SUCLG1: variants seen among roughly 807,000 people sequenced by gnomAD.
SUCLG1 encodes succinate-CoA ligase GDP/ADP-forming subunit alpha, also known as succinate--CoA ligase [ADP/GDP-forming] subunit alpha, mitochondrial.
In SUCLG1, 26 loss-of-function variants were observed where a neutral mutation model predicts 37.3. The ratio of observed to expected loss-of-function variants is 0.70; its 90% confidence interval spans 0.51 to 0.97. SUCLG1 has a LOEUF of 0.97. Ranked by LOEUF, SUCLG1 falls within the 50% of genes least tolerant of loss-of-function variation. SUCLG1 has a pLI of 0.00. For missense variants in SUCLG1, 433 were observed against 432.9 expected, an observed-to-expected ratio of 1.00 and a Z score of 0.00; for synonymous variants, 163 against 155.6, an observed-to-expected ratio of 1.05 and a Z score of -0.36.
rs1573370010 is a variant in SUCLG1 at position 84,441,399 on chromosome 2, C to T, written c.379G>A (p.Ala127Thr). 1 of 1,614,148 alleles carries T rather than the reference C, an allele frequency of 6.2e-7. No homozygotes were observed. The highest frequency in any genetic ancestry group is 8.5e-7 in the Non-Finnish European group (1 of 1,180,026). The part of the protein sequence containing the change: ...VIYVPPPFAA[A>T]AINEAIEAEI... ...GCCTCAATAGCTTCATTAATGGCAG[C>T]AGCAGCAAAAGGCGGAGGAACATAA... Residue 127 changes from alanine (A) to threonine (T), a missense_variant, in exon 4 of 9, where the codon GCT becomes ACT. Coordinates refer to ENST00000393868, the MANE Select transcript of SUCLG1 (RefSeq NM_003849.4).
chr2:84,445,412 T>A (rs1672835248), intron 2 of SUCLG1, among the ~76,000 whole-genome samples: 1 of 152,066 alleles, frequency 6.6e-6, no homozygotes, highest in Non-Finnish European at 1.5e-5. Context: ...CCCTCCCACA[T>A]ACACAAAGAC....
At chr2:84,432,558 A>C (rs1466379772) in intron 6 of SUCLG1, 2 of 152,196 alleles carry the variant, frequency 1.3e-5, no homozygotes, top group African/African-American at 4.8e-5. Flanking sequence ...ACCTTTTCTT[A>C]TTCTCTGTCA....
At chr2:84,438,354 T>C in intron 5 of SUCLG1, among the ~76,000 whole-genome samples, 1 of 152,216 alleles carries the variant, frequency 6.6e-6, no homozygotes, top group Middle Eastern at 3.2e-3. Context: ...CTGTCTATCA[T>C]AAGAGAAATA....
intron 1 of SUCLG1, among the ~76,000 whole-genome samples, chr2:84,455,350 C>T (rs56298238): frequency 0.011 from 1,696 of 152,114 alleles, 30 homozygotes; most frequent in African/African-American, 0.039. Context: ...CAAAATTAGC[C>T]GGACATGGTG....
chr2:84,443,153 T>C, intron 3 of SUCLG1, 131 bp downstream of exon 3: 2 of 852,374 alleles, frequency 2.3e-6, no homozygotes, highest in Non-Finnish European at 4.1e-6. Context: ...GCAATTCAAA[T>C]TTCTCTAGGT....
rs35033593 is a variant in SUCLG1, at chr2:84,457,795, C to A, written c.97+1378G>T. On this transcript the variant is annotated intron_variant, in intron 1 of 8. Coordinates refer to ENST00000393868, the MANE Select transcript of SUCLG1 (RefSeq NM_003849.4). ...TTCTTGGTGCTCAAACTTTATTGAC[C>A]TGAGTGATTACTGGGTATAATGAAT... 2.3e-3 allele frequency among the ~76,000 whole-genome samples: 350 copies of A among 152,164 alleles called. 3 individuals carry two copies. Among genetic ancestry groups the A allele is most frequent in the Non-Finnish European group, 2.8e-3 (193 of 67,984 alleles).
intron 1 of SUCLG1, among the ~76,000 whole-genome samples, chr2:84,458,111 C>T (rs13418895): frequency 1.3e-5 from 2 of 151,672 alleles, no homozygotes; most frequent in Non-Finnish European, 2.9e-5. Flanking sequence ...ATATAAATTG[C>T]TCCACTTATT....
chr2:84,433,156 A>T (rs1047799167), intron 6 of SUCLG1, 196 bp downstream of exon 6: 1 of 637,256 alleles, frequency 1.6e-6, no homozygotes, highest in African/African-American at 1.8e-5. Flanking sequence ...TCAACCTAGA[A>T]ATGAAATCTT....
intron 1 of SUCLG1, among the ~76,000 whole-genome samples, chr2:84,453,421 A>ATT (rs138323590): frequency 1.7e-3 from 253 of 150,284 alleles, no homozygotes; most frequent in East Asian, 0.014. Context: ...AAGTATTATT[A>ATT]TTATTTTTTT....
intron 2 of SUCLG1, among the ~76,000 whole-genome samples, chr2:84,445,734 C>T (rs1672839213): frequency 6.6e-6 from 1 of 152,220 alleles, no homozygotes; most frequent in Non-Finnish European, 1.5e-5. Context: ...ACTGCTATCA[C>T]CTTGGTCTAA....
rs567565229 is a variant in SUCLG1 at position 84,448,845 on chromosome 2, T to G, written c.201+804A>C. On this transcript the variant is annotated intron_variant, in intron 2 of 8. Coordinates refer to ENST00000393868, the MANE Select transcript of SUCLG1 (RefSeq NM_003849.4). ...ATAACGTTATATAAATATATATAAT[T>G]CTATATAATAAATACTACAAAACAC... is the stretch of plus-strand genomic sequence containing the variant. 12 of 229,854 alleles carry G rather than the reference T, an allele frequency of 5.2e-5. No individual in the cohort carries two copies. The East Asian group carries it at 1.9e-3, about 36-fold the overall frequency. 14.2% of individuals were successfully genotyped at this position (229,854 alleles called of 1,614,324 possible). A position where few individuals can be genotyped will look rare whatever the true frequency, so the allele number is the denominator to read the frequency against.
chr2:84,444,747 C>T (rs985675188), intron 2 of SUCLG1, among the ~76,000 whole-genome samples: 31 of 152,222 alleles, frequency 2.0e-4, no homozygotes, highest in South Asian at 1.0e-3. Flanking sequence ...AAAAGATGGC[C>T]GCCCCCCGAA....
intron 2 of SUCLG1, among the ~76,000 whole-genome samples, chr2:84,446,878 C>A (rs1477511123): frequency 6.6e-6 from 1 of 152,074 alleles, no homozygotes; most frequent in Non-Finnish European, 1.5e-5. Flanking sequence ...TGGTTTTTTG[C>A]TACAGACACT....
Position 84,423,534 on chromosome 2 carries a change from T to C in SUCLG1, c.*212A>G, listed in dbSNP as rs990504053. ...ATAAGCCTCCAAAACCATATTGAAA[T>C]CAAATAGTAGATTTATTGGCTGTCT... On this transcript the variant is annotated 3_prime_UTR_variant, in exon 9 of 9. Transcript: ENST00000393868. 1.6e-6 allele frequency: 1 copy of C among 610,332 alleles called. No individual in the cohort carries two copies. The highest frequency in any genetic ancestry group is 2.9e-6 in the Non-Finnish European group (1 of 339,386). The allele number at this position is 610,332 out of a possible 1,614,324, so 37.8% of individuals were successfully genotyped here.
chr2:84,447,794 A>G (rs1672872220), intron 2 of SUCLG1, among the ~76,000 whole-genome samples: 1 of 152,128 alleles, frequency 6.6e-6, no homozygotes, highest in Non-Finnish European at 1.5e-5. Flanking sequence ...AAGTGGTTCA[A>G]TCATGACTCA....
At chr2:84,430,600 CATG>C (rs1471445183) in intron 7 of SUCLG1, among the ~76,000 whole-genome samples, 2 of 152,148 alleles carry the variant, frequency 1.3e-5, no homozygotes, top group Non-Finnish European at 2.9e-5. Flanking sequence ...CCACCCTGTA[CATG>C]ATATTATTGG....
At chr2:84,457,260 G>A (rs1673037063) in intron 1 of SUCLG1, among the ~76,000 whole-genome samples, 1 of 152,212 alleles carries the variant, frequency 6.6e-6, no homozygotes, top group Non-Finnish European at 1.5e-5. Context: ...TGTGGCATGG[G>A]AAAGAGGAGT....
chr2:84,456,871 C>G (rs888713148), intron 1 of SUCLG1, among the ~76,000 whole-genome samples: 1 of 152,108 alleles, frequency 6.6e-6, no homozygotes, highest in African/African-American at 2.4e-5. Context: ...ACCATCTTGG[C>G]CAGGCTGGTC....
chr2:84,443,089 T>A (rs1672798938), intron 3 of SUCLG1, 195 bp downstream of exon 3: 1 of 613,934 alleles, frequency 1.6e-6, no homozygotes, highest in East Asian at 2.9e-5. Context: ...CAGTACTTCC[T>A]CCCTTAATAG....
Sources: allele counts gnomAD v4.1 joint callset (sites outside exome capture counted in the v4.1 genomes callset), GRCh38; gene constraint gnomAD v4.1.1; transcripts MANE v1.5; gene names NCBI Gene and HGNC (gene_info 2026-07-23, HGNC 2026-07-21).